The following SNX2 variants were observed in gnomAD, a reference collection of about 807,000 sequenced individuals.
SNX2 encodes sorting nexin-2.
SNX2 carries 25 observed loss-of-function variants against 69.9 expected under a neutral mutation model. The observed-to-expected ratio is 0.36, with a 90% CI of 0.26 to 0.50. SNX2 has a LOEUF of 0.50. SNX2 is among the 20% of genes least tolerant of loss of function. SNX2 has a pLI of 0.97. For synonymous variants in SNX2, 229 were observed against 200.4 expected (o/e 1.14, Z -1.20); for missense variants, 551 against 613.3 (o/e 0.90, Z 1.07).
intron 11 of SNX2, among the ~76,000 whole-genome samples, chr5:122,823,717 GGTGTGTGT>G (rs10559761): frequency 2.7e-5 from 4 of 149,730 alleles, no homozygotes; most frequent in Non-Finnish European, 5.9e-5. Context: ...TGTGTATGTG[GGTGTGTGT>G]GTGTGTGTGT....
chr5:122,801,675 G>T (rs1265067296), intron 3 of SNX2, among the ~76,000 whole-genome samples, 194 bp from the exon 4 acceptor site: 1 of 150,856 alleles, frequency 6.6e-6, no homozygotes, highest in Non-Finnish European at 1.5e-5. Flanking sequence ...GTGTGTGTGT[G>T]TGTGTGTGTG....
At chr5:122,779,585 A>T (rs1288579401) in intron 1 of SNX2, among the ~76,000 whole-genome samples, 1 of 152,206 alleles carries the variant, frequency 6.6e-6, no homozygotes, top group East Asian at 1.9e-4. Flanking sequence ...TATGAATATG[A>T]CCATGAGTAT....
chr5:122,782,910 T>A (rs1422828734), intron 1 of SNX2, among the ~76,000 whole-genome samples: 1 of 151,990 alleles, frequency 6.6e-6, no homozygotes. Flanking sequence ...AGTCGGTGAC[T>A]TGTGTTTTTT....
upstream of SNX2, chr5:122,775,008 G>A (rs1752820632): frequency 8.1e-7 from 1 of 1,236,502 alleles, no homozygotes; most frequent in Non-Finnish European, 1.1e-6. Context: ...GCCGGCCGGG[G>A]GCGGGGAGGC....
At chr5:122,791,629 C>G (rs1437449863) in intron 1 of SNX2, among the ~76,000 whole-genome samples, 3 of 152,128 alleles carry the variant, frequency 2.0e-5, no homozygotes, top group Non-Finnish European at 4.4e-5. Context: ...GTTGGTCAGG[C>G]TGGTCTCGAA....
chr5:122,775,947 C>G (rs73797076), intron 1 of SNX2, among the ~76,000 whole-genome samples: 1,596 of 152,254 alleles, frequency 0.01, 18 homozygotes, highest in African/African-American at 0.036. Context: ...TCTTTTCTCG[C>G]TTGATCAGCG....
chr5:122,775,160 G>A lies in SNX2; in HGVS notation c.57G>A (p.Glu19=), dbSNP rs1339335054. 1 of 1,596,518 alleles carries A rather than the reference G, an allele frequency of 6.3e-7. No homozygotes were observed. The highest frequency in any genetic ancestry group is 1.8e-5 in the Admixed American group (1 of 56,530). Residue 19 remains glutamate (E), a synonymous_variant, in exon 1 of 15, where the codon GAG becomes GAA. Transcript: ENST00000379516. Reference sequence around the variant, plus strand: ...GGGACGGGAAGCCCACCGACTTTGAGGATCTGGAGGACGGAGAGGACCTGT... The same window carrying A: ...GGGACGGGAAGCCCACCGACTTTGAAGATCTGGAGGACGGAGAGGACCTGT... ...PLGDGKPTDF[E]DLEDGEDLFT... is the part of the protein sequence containing the mutation.
At chr5:122,784,878 G>C (rs1753048582) in intron 1 of SNX2, among the ~76,000 whole-genome samples, 1 of 152,142 alleles carries the variant, frequency 6.6e-6, no homozygotes, top group Non-Finnish European at 1.5e-5. Flanking sequence ...TTGTTTGTTG[G>C]AAGGCTTTTA....
chr5:122,793,225 T>C (rs1251781181), intron 1 of SNX2, among the ~76,000 whole-genome samples: 1 of 152,186 alleles, frequency 6.6e-6, no homozygotes, highest in East Asian at 1.9e-4. Flanking sequence ...AACATCTAAG[T>C]GCTTATTAAC....
intron 7 of SNX2, 49 bp from the exon 8 acceptor site, chr5:122,815,847 G>A: frequency 2.1e-6 from 2 of 975,086 alleles, no homozygotes; most frequent in Non-Finnish European, 3.1e-6. Flanking sequence ...TTGTTGAACT[G>A]TAATTCAAGA....
chr5:122,775,180 A>T lies in SNX2; in HGVS notation c.77A>T (p.Asp26Val). Residue 26 changes from aspartate to valine, a missense_variant, in exon 1 of 15, where the codon GAC (aspartate) becomes GTC (valine). Around this residue, in one of 2 missense-constraint regions of SNX2, gnomAD observed 191 missense variants for 162.9 expected, o/e 1.17. Coordinates refer to ENST00000379516, the MANE Select transcript of SNX2 (RefSeq NM_003100.4). ...TTTGAGGATCTGGAGGACGGAGAGG[A>T]CCTGTTCACCAGCACTGTCTCCACC... is the stretch of plus-strand genomic sequence containing the variant. ...TDFEDLEDGE[D>V]LFTSTVSTLE... The T allele has an allele frequency of 6.3e-7, 1 of 1,592,164 alleles. No homozygotes were observed. Among genetic ancestry groups the T allele is most frequent in the Non-Finnish European group, 8.5e-7 (1 of 1,171,066 alleles).
chr5:122,828,423 G>T (rs1014633135), intron 14 of SNX2, among the ~76,000 whole-genome samples: 1 of 151,996 alleles, frequency 6.6e-6, no homozygotes, highest in Non-Finnish European at 1.5e-5. Flanking sequence ...TTTTAAACAT[G>T]ACTTCAGTTG....
At position 122,827,392 on chromosome 5, in the gene SNX2, T is replaced by C. The variant is rs755578490; in HGVS notation, c.1370T>C (p.Val457Ala). Residue 457 changes from valine (V) to alanine (A), a missense_variant, in exon 13 of 15, where the codon GTG becomes GCG. By Grantham distance (64) the Val-to-Ala change is moderately conservative (BLOSUM62 0). Around this residue, in one of 2 missense-constraint regions of SNX2, gnomAD observed 360 missense variants for 450.4 expected, o/e 0.80. Coordinates refer to ENST00000379516, the MANE Select transcript of SNX2 (RefSeq NM_003100.4). Reference sequence around the variant, plus strand: ...TGTTTTTATTAGTGGGAGGCGAAAGTGCAACAAGGGGAAAGAGATTTTGAA... The same window carrying C: ...TGTTTTTATTAGTGGGAGGCGAAAGCGCAACAAGGGGAAAGAGATTTTGAA... Reference protein sequence around the residue: ...KNEIREWEAKVQQGERDFEQI... With the variant: ...KNEIREWEAKAQQGERDFEQI... 10 of 1,613,278 alleles carry C rather than the reference T, an allele frequency of 6.2e-6. No individual in the cohort carries two copies. The Admixed American group carries it at 8.3e-5, about 13-fold the overall frequency.
At chr5:122,794,995 C>A (rs771140180) in intron 1 of SNX2, among the ~76,000 whole-genome samples, 2 of 152,056 alleles carry the variant, frequency 1.3e-5, no homozygotes, top group Non-Finnish European at 2.9e-5. Flanking sequence ...TACACTCCAG[C>A]CTGGGCCATA....
chr5:122,783,103 ATT>A (rs200375716), intron 1 of SNX2, among the ~76,000 whole-genome samples: 28,008 of 144,132 alleles, frequency 0.19, 3,021 homozygotes, highest in East Asian at 0.45. Context: ...TGCCCAGCTA[ATT>A]TTTTTTTTTT....
At chr5:122,792,712 A>G (rs2150004511) in intron 1 of SNX2, among the ~76,000 whole-genome samples, 1 of 152,358 alleles carries the variant, frequency 6.6e-6, no homozygotes, top group Admixed American at 6.5e-5. Flanking sequence ...AGGTAAGCCA[A>G]AGATTGGGAG....
intron 1 of SNX2, chr5:122,775,530 C>A: frequency 9.6e-7 from 1 of 1,044,762 alleles, no homozygotes; most frequent in Non-Finnish European, 1.2e-6. Context: ...CCTCTTCAAG[C>A]CGGAGAAGGG....
chr5:122,778,518 T>TA (rs1752902976), intron 1 of SNX2, among the ~76,000 whole-genome samples: 1 of 152,160 alleles, frequency 6.6e-6, no homozygotes, highest in Non-Finnish European at 1.5e-5. Context: ...TTTTTGTTTT[T>TA]ATTTTTTTGA....
intron 9 of SNX2, 109 bp downstream of exon 9, chr5:122,817,137 T>G: frequency 8.9e-7 from 1 of 1,122,502 alleles, no homozygotes; most frequent in South Asian, 1.3e-5. Flanking sequence ...TTATTGAGTT[T>G]AGTTCTCAGC....
Sources: allele counts gnomAD v4.1 joint callset (sites outside exome capture counted in the v4.1 genomes callset), GRCh38; gene constraint gnomAD v4.1.1; regional missense constraint gnomAD v4.1.1; transcripts MANE v1.5; gene names NCBI Gene and HGNC (gene_info 2026-07-23, HGNC 2026-07-21).